KCNQ5: variants seen among roughly 807,000 people sequenced by gnomAD.
KCNQ5 encodes the protein potassium voltage-gated channel subfamily KQT member 5.
KCNQ5 carries 30 observed loss-of-function variants against 98.2 expected under a neutral mutation model. The ratio of observed to expected loss-of-function variants is 0.31; its 90% CI spans 0.23 to 0.41. The LOEUF (loss-of-function observed/expected upper bound fraction) is 0.41. Ranked by LOEUF, KCNQ5 falls within the 10% of genes least tolerant of loss-of-function variation. The probability of loss-of-function intolerance (pLI) is 1.00; values close to 1 mark genes in which losing one functional copy is unlikely to be tolerated. For missense variants in KCNQ5, 835 were observed against 1,182.5 expected (o/e 0.71, Z 4.31); for synonymous variants, 458 against 449.4 (o/e 1.02, Z -0.24).
intron 1 of KCNQ5, among the ~76,000 whole-genome samples, chr6:72,943,239 GCA>G (rs1766388355): frequency 1.3e-5 from 2 of 152,150 alleles, no homozygotes; most frequent in Admixed American, 1.3e-4. Flanking sequence ...TACAGAATCT[GCA>G]TAAATATATC....
intron 10 of KCNQ5, chr6:73,158,261 T>TTTTGTTG (rs1554216887): frequency 1.5e-4 from 26 of 169,342 alleles, no homozygotes; most frequent in Admixed American, 3.0e-4. Context: ...AAGATTTTTT[T>TTTTGTTG]TTTTTTTTTT....
intron 1 of KCNQ5, among the ~76,000 whole-genome samples, chr6:72,938,326 G>A (rs1346548823): frequency 1.3e-5 from 2 of 152,140 alleles, no homozygotes; most frequent in Non-Finnish European, 2.9e-5. Flanking sequence ...TTCATAAGAT[G>A]TGGTACTAGT....
intron 11 of KCNQ5, among the ~76,000 whole-genome samples, chr6:73,183,060 C>T (rs1404841484): frequency 1.3e-5 from 2 of 152,086 alleles, no homozygotes; most frequent in Non-Finnish European, 2.9e-5. Context: ...TCTGGAAAGA[C>T]AAGGACAGAG....
intron 1 of KCNQ5, among the ~76,000 whole-genome samples, chr6:72,826,712 C>T (rs1338882305): frequency 6.6e-6 from 1 of 151,998 alleles, no homozygotes; most frequent in Non-Finnish European, 1.5e-5. Context: ...TTTATCATTT[C>T]CTTGTGTTAG....
rs58495547 is a variant in KCNQ5 at position 73,113,982 on chromosome 6, G to A, written c.1125+2579G>A. 4.6e-3 allele frequency among the ~76,000 whole-genome samples: 702 copies of A among 152,266 alleles called. 5 individuals carry two copies. Among genetic ancestry groups the A allele is most frequent in the African/African-American group, 0.015 (607 of 41,550 alleles). ...AATAATGCAAAATGGAATGCTTGAAGCATTCAAGAGTACTTTTAAAATCTA... is the reference window on the plus strand; with the variant it reads ...AATAATGCAAAATGGAATGCTTGAAACATTCAAGAGTACTTTTAAAATCTA... On this transcript the variant is annotated intron_variant, in intron 7 of 13. Coordinates refer to ENST00000370398, the MANE Select transcript of KCNQ5 (RefSeq NM_019842.4).
In KCNQ5 at chr6:72,827,784, T is replaced by C. The variant is rs374859824; in HGVS notation, c.399-176124T>C. Among the ~76,000 whole-genome samples the C allele has an allele frequency of 1.4e-4, 22 of 152,248 alleles. 1 individual carries two copies. The East Asian group carries it at 3.7e-3, about 25-fold the overall frequency. ...TTTGTTTCCTGTGCTTTCGAGGTCT[T>C]GATCATAAAATATTTTCCCAGTCCA... On this transcript the variant is annotated intron_variant, in intron 1 of 13. Coordinates refer to ENST00000370398, the MANE Select transcript of KCNQ5 (RefSeq NM_019842.4).
intron 1 of KCNQ5, among the ~76,000 whole-genome samples, chr6:72,831,883 T>C (rs143181412): frequency 4.6e-5 from 7 of 151,658 alleles, no homozygotes; most frequent in Non-Finnish European, 1.0e-4. Context: ...TCAGGGAGTA[T>C]GTAAAGGCTG....
intron 3 of KCNQ5, among the ~76,000 whole-genome samples, chr6:73,070,303 C>T (rs1414594658): frequency 6.6e-6 from 1 of 151,950 alleles, no homozygotes; most frequent in East Asian, 1.9e-4. Context: ...TATATGCAAA[C>T]ATTTGGAGAA....
At chr6:73,028,015 CTT>C (rs1335680248) in intron 2 of KCNQ5, among the ~76,000 whole-genome samples, 2 of 152,184 alleles carry the variant, frequency 1.3e-5, no homozygotes, top group Non-Finnish European at 2.9e-5. Flanking sequence ...TCTAGATACT[CTT>C]TATTATGGGG....
At chr6:72,938,158 A>T (rs1292277559) in intron 1 of KCNQ5, among the ~76,000 whole-genome samples, 1 of 152,208 alleles carries the variant, frequency 6.6e-6, no homozygotes, top group African/African-American at 2.4e-5. Context: ...TCATTAATTA[A>T]GACATTAATT....
At chr6:72,770,077 C>A (rs868237769) in intron 1 of KCNQ5, among the ~76,000 whole-genome samples, 4 of 152,084 alleles carry the variant, frequency 2.6e-5, no homozygotes, top group African/African-American at 7.2e-5. Context: ...CCATCTCAAG[C>A]AACAGGTTGA....
At chr6:72,659,529 A>T (rs142121932) in intron 1 of KCNQ5, among the ~76,000 whole-genome samples, 4 of 152,332 alleles carry the variant, frequency 2.6e-5, no homozygotes, top group African/African-American at 9.6e-5. Flanking sequence ...GAACACCAGC[A>T]AATTTGGTGT....
At chr6:72,912,218 G>A (rs1779970363) in intron 1 of KCNQ5, among the ~76,000 whole-genome samples, 1 of 152,078 alleles carries the variant, frequency 6.6e-6, no homozygotes, top group African/African-American at 2.4e-5. Flanking sequence ...TTACTTGGAG[G>A]GCATTATGTG....
Position 72,658,578 on chromosome 6 carries a change from A to ATAT in KCNQ5, c.398+35992_398+35993insATT, listed in dbSNP as rs1226386362. ...TTAAAGGATATATATATATATATAT[A>ATAT]TTTTTTTTTTTTTTTTTTTTGAGAC... On this transcript the variant is annotated intron_variant, in intron 1 of 13. Transcript: ENST00000370398. Among the ~76,000 whole-genome samples the ATAT allele has an allele frequency of 3.8e-3, 291 of 76,380 alleles. 3 individuals carry two copies. The highest frequency in any genetic ancestry group is 5.0e-3 in the Non-Finnish European group (176 of 35,278). The allele number at this position is 76,380 out of a possible 152,430, so 50.1% of individuals were successfully genotyped here. A position where few individuals can be genotyped will look rare whatever the true frequency, so the allele number is the denominator to read the frequency against.
intron 1 of KCNQ5, among the ~76,000 whole-genome samples, chr6:72,955,732 A>G (rs886302601): frequency 2.0e-5 from 3 of 152,208 alleles, no homozygotes; most frequent in Non-Finnish European, 1.5e-5. Flanking sequence ...CCAAAGTAAC[A>G]TAAAACTGGG....
chr6:72,710,781 T>C (rs1000799976), intron 1 of KCNQ5, among the ~76,000 whole-genome samples: 12 of 152,126 alleles, frequency 7.9e-5, no homozygotes, highest in African/African-American at 2.9e-4. Context: ...ATTGGACATA[T>C]CATTCAGACA....
At chr6:72,775,517 C>T (rs533525145) in intron 1 of KCNQ5, among the ~76,000 whole-genome samples, 17 of 152,302 alleles carry the variant, frequency 1.1e-4, no homozygotes, top group South Asian at 1.0e-3. Context: ...GGAGCTGGAA[C>T]ATACCTCTGC....
chr6:72,645,599 G>C (rs1486787605), intron 1 of KCNQ5, among the ~76,000 whole-genome samples: 2 of 152,052 alleles, frequency 1.3e-5, no homozygotes, highest in South Asian at 4.1e-4. Flanking sequence ...TAGTCTACCT[G>C]CATCTCCCTC....
At chr6:72,643,606 G>C (rs1765438149) in intron 1 of KCNQ5, among the ~76,000 whole-genome samples, 1 of 152,068 alleles carries the variant, frequency 6.6e-6, no homozygotes, top group African/African-American at 2.4e-5. Context: ...TTTTGGATTA[G>C]GGATGCTCAA....
Sources: allele counts gnomAD v4.1 joint callset (sites outside exome capture counted in the v4.1 genomes callset), GRCh38; gene constraint gnomAD v4.1.1; transcripts MANE v1.5; gene names NCBI Gene and HGNC (gene_info 2026-07-23, HGNC 2026-07-21).